GABRB2: variants seen among roughly 807,000 people sequenced by gnomAD.
The protein encoded by GABRB2 is gamma-aminobutyric acid receptor subunit beta-2.
In GABRB2, 16 loss-of-function variants were observed where a neutral mutation model predicts 54.7. The observed-to-expected ratio is 0.29, with a 90% CI of 0.20 to 0.44. The LOEUF (loss-of-function observed/expected upper bound fraction) is 0.44. GABRB2 is among the 20% of genes least tolerant of loss of function. The pLI is 1.00. For missense variants in GABRB2, 355 were observed against 644.0 expected (o/e 0.55, Z 4.86); for synonymous variants, 244 against 233.8 (o/e 1.04, Z -0.40).
intron 3 of GABRB2, among the ~76,000 whole-genome samples, chr5:161,514,112 G>A (rs569803122): frequency 1.3e-5 from 2 of 152,102 alleles, no homozygotes; most frequent in Admixed American, 6.6e-5. Context: ...CTTCATGATC[G>A]CAGCTCCAGG....
intron 4 of GABRB2, among the ~76,000 whole-genome samples, chr5:161,440,647 C>T (rs1384799611): frequency 6.6e-6 from 1 of 151,982 alleles, no homozygotes; most frequent in African/African-American, 2.4e-5. Context: ...CCCAGAATAG[C>T]CAAAGTTATT....
intron 9 of GABRB2, among the ~76,000 whole-genome samples, chr5:161,302,352 T>G (rs1431786933): frequency 6.6e-6 from 1 of 152,206 alleles, no homozygotes; most frequent in African/African-American, 2.4e-5. Context: ...ACCTTATTTT[T>G]ATATAATAAT....
intron 5 of GABRB2, among the ~76,000 whole-genome samples, chr5:161,345,258 T>A (rs1412581776): frequency 6.6e-6 from 1 of 151,972 alleles, no homozygotes; most frequent in Non-Finnish European, 1.5e-5. Context: ...TATAGCGCAA[T>A]AAAAATTTTA....
chr5:161,302,544 T>A (rs1308542633), intron 9 of GABRB2, among the ~76,000 whole-genome samples: 2 of 152,138 alleles, frequency 1.3e-5, no homozygotes, highest in Non-Finnish European at 2.9e-5. Flanking sequence ...AATGGGACTA[T>A]CTGAAATCCA....
At chr5:161,413,954 A>T (rs1274406605) in intron 4 of GABRB2, among the ~76,000 whole-genome samples, 1 of 152,208 alleles carries the variant, frequency 6.6e-6, no homozygotes, top group African/African-American at 2.4e-5. Flanking sequence ...ACACCAAGAA[A>T]AATATGTTGG....
chr5:161,355,294 AAT>A (rs1245351792), intron 5 of GABRB2, among the ~76,000 whole-genome samples: 2 of 148,452 alleles, frequency 1.3e-5, no homozygotes, highest in Non-Finnish European at 3.0e-5. Flanking sequence ...ATATATAGAA[AAT>A]ATATGTTATA....
chr5:161,514,043 C>A (rs892828420), intron 3 of GABRB2, among the ~76,000 whole-genome samples: 7 of 152,090 alleles, frequency 4.6e-5, no homozygotes, highest in Non-Finnish European at 8.8e-5. Flanking sequence ...AGATGTTTTT[C>A]ATATAGTTGT....
At chr5:161,472,640 A>C (rs1333764379) in intron 3 of GABRB2, among the ~76,000 whole-genome samples, 2 of 152,026 alleles carry the variant, frequency 1.3e-5, no homozygotes, top group East Asian at 1.9e-4. Context: ...TAATTACATA[A>C]ACTTTGTGTT....
intron 5 of GABRB2, among the ~76,000 whole-genome samples, chr5:161,363,748 T>C (rs1754892528): frequency 6.6e-6 from 1 of 152,116 alleles, no homozygotes; most frequent in East Asian, 1.9e-4. Context: ...TCATTCTTTC[T>C]TTAGCTGCAG....
chr5:161,525,568 T>C (rs977946740), intron 3 of GABRB2, among the ~76,000 whole-genome samples: 1 of 151,368 alleles, frequency 6.6e-6, no homozygotes, highest in South Asian at 2.1e-4. Context: ...TGTAGTGCAT[T>C]ATATACTTTA....
chr5:161,309,797 A>T, intron 9 of GABRB2, among the ~76,000 whole-genome samples: 1 of 151,718 alleles, frequency 6.6e-6, no homozygotes, highest in South Asian at 2.1e-4. Flanking sequence ...TGCCCAACTA[A>T]TTTTTTTGTA....
At chr5:161,335,093 A>T (rs571707161) in intron 6 of GABRB2, among the ~76,000 whole-genome samples, 189 bp from the exon 7 acceptor site, 32 of 152,290 alleles carry the variant, frequency 2.1e-4, no homozygotes, top group African/African-American at 6.3e-4. Flanking sequence ...TGTGGAATGC[A>T]TCCTGTACTC....
intron 3 of GABRB2, among the ~76,000 whole-genome samples, chr5:161,484,950 A>T: frequency 6.6e-6 from 1 of 151,988 alleles, no homozygotes; most frequent in East Asian, 1.9e-4. Context: ...GGACCTGCCC[A>T]GGCTCACCAT....
At chr5:161,364,905 C>T (rs1403564884) in intron 5 of GABRB2, among the ~76,000 whole-genome samples, 3 of 152,066 alleles carry the variant, frequency 2.0e-5, no homozygotes, top group African/African-American at 7.2e-5. Flanking sequence ...TTTTAAAATA[C>T]TTTAATTAAG....
chr5:161,297,255 A>G (rs1757404709), intron 9 of GABRB2, among the ~76,000 whole-genome samples: 1 of 152,112 alleles, frequency 6.6e-6, no homozygotes, highest in South Asian at 2.1e-4. Flanking sequence ...TATCAACAGA[A>G]TACTTCAACT....
chr5:161,463,556 T>C (rs1204677698), intron 3 of GABRB2, among the ~76,000 whole-genome samples: 14 of 40,910 alleles, frequency 3.4e-4, no homozygotes, highest in Non-Finnish European at 7.3e-4. Context: ...TATTTTTATT[T>C]ATATATATAT....
chr5:161,324,335 A>C (rs1266325463), intron 9 of GABRB2, among the ~76,000 whole-genome samples: 1 of 152,144 alleles, frequency 6.6e-6, no homozygotes, highest in African/African-American at 2.4e-5. Context: ...TTGTAATCAG[A>C]ATAATAGTTA....
intron 3 of GABRB2, among the ~76,000 whole-genome samples, chr5:161,526,220 G>T (rs552556335): frequency 6.6e-6 from 1 of 151,348 alleles, no homozygotes; most frequent in Non-Finnish European, 1.5e-5. Context: ...AAAATTGTTC[G>T]GTAAAGTAGA....
chr5:161,347,185 A>G (rs1488291556), intron 5 of GABRB2, among the ~76,000 whole-genome samples: 2 of 152,102 alleles, frequency 1.3e-5, no homozygotes, highest in African/African-American at 4.8e-5. Flanking sequence ...GCATTGCCTC[A>G]TCTAATCGTT....
Sources: allele counts gnomAD v4.1 joint callset (sites outside exome capture counted in the v4.1 genomes callset), GRCh38; gene constraint gnomAD v4.1.1; transcripts MANE v1.5; gene names NCBI Gene and HGNC (gene_info 2026-07-23, HGNC 2026-07-21).